CPLX2: variants seen among roughly 807,000 people sequenced by gnomAD.
CPLX2 encodes complexin 2.
CPLX2 carries 5 observed loss-of-function variants against 16.3 expected under a neutral mutation model. The observed-to-expected ratio is 0.31, with a 90% CI of 0.16 to 0.64. The LOEUF is 0.64. CPLX2 is among the 30% of genes least tolerant of loss of function. The pLI, the probability that CPLX2 is intolerant of heterozygous loss-of-function variation, is 0.79. For missense variants in CPLX2, 144 were observed against 181.4 expected (o/e 0.79, Z 1.18); for synonymous variants, 89 against 73.2 (o/e 1.22, Z -1.10).
intron 2 of CPLX2, among the ~76,000 whole-genome samples, chr5:175,823,871 G>C (rs1385199520): frequency 6.6e-6 from 1 of 152,188 alleles, no homozygotes; most frequent in African/African-American, 2.4e-5. Context: ...AGCTGCCTGG[G>C]AGGACAGAGA....
intron 2 of CPLX2, among the ~76,000 whole-genome samples, chr5:175,865,657 T>C (rs1166037066): frequency 1.3e-5 from 2 of 152,232 alleles, no homozygotes; most frequent in East Asian, 3.8e-4. Context: ...CCTAAAATAT[T>C]CTATGGCTCC....
chr5:175,864,693 C>G (rs1436482518), intron 2 of CPLX2, among the ~76,000 whole-genome samples: 1 of 152,072 alleles, frequency 6.6e-6, no homozygotes, highest in Non-Finnish European at 1.5e-5. Context: ...TCCTGGGGTG[C>G]TGTAGGCTCT....
chr5:175,879,839 C>T lies in CPLX2; in HGVS notation c.208-9C>T. ...GCTTCATGCGCGTCTCTGCCCTCCC[C>T]CTCCCCAGTATGGGCTGAAGAAGAA... On this transcript the variant is annotated splice_polypyrimidine_tract_variant and intron_variant, in intron 3 of 3. Coordinates refer to ENST00000393745, the MANE Select transcript of CPLX2 (RefSeq NM_001008220.2). The T allele has an allele frequency of 1.2e-6, 2 of 1,608,046 alleles. No individual in the cohort carries two copies. Among genetic ancestry groups the T allele is most frequent in the Non-Finnish European group, 8.5e-7 (1 of 1,177,378 alleles).
chr5:175,841,894 A>G (rs1758950720), intron 2 of CPLX2, among the ~76,000 whole-genome samples: 1 of 152,254 alleles, frequency 6.6e-6, no homozygotes, highest in Admixed American at 6.5e-5. Flanking sequence ...GAAATGAGAT[A>G]AAGTGTAAAC....
chr5:175,831,258 C>G lies in CPLX2; in HGVS notation c.-89+22190C>G, dbSNP rs1466336355. Reference sequence around the variant, plus strand: ...GTTAGAAGTAGGAAGAGCATTCGCTCTCTCCAGCTCCCTCCCTTCTCTCCC... The same window carrying G: ...GTTAGAAGTAGGAAGAGCATTCGCTGTCTCCAGCTCCCTCCCTTCTCTCCC... On this transcript the variant is annotated intron_variant, in intron 2 of 4. Coordinates refer to the CPLX2 transcript ENST00000359546. Among the ~76,000 whole-genome samples the G allele has an allele frequency of 3.3e-5, 5 of 152,180 alleles. No individual in the cohort carries two copies. In the South Asian group the frequency reaches 6.2e-4, roughly 19 times the overall value.
intron 1 of CPLX2, chr5:175,878,132 T>A (rs542283205): frequency 6.6e-6 from 1 of 152,528 alleles, no homozygotes; most frequent in Non-Finnish European, 1.5e-5. Flanking sequence ...CTCAGCTGCC[T>A]CCGATTGGCT....
At chr5:175,851,136 T>C (rs1240673020) in intron 2 of CPLX2, among the ~76,000 whole-genome samples, 1 of 151,998 alleles carries the variant, frequency 6.6e-6, no homozygotes, top group Non-Finnish European at 1.5e-5. Flanking sequence ...TGTGGACAGG[T>C]GGCTGTACCA....
chr5:175,827,339 A>T (rs745530055), intron 2 of CPLX2, among the ~76,000 whole-genome samples: 10 of 152,162 alleles, frequency 6.6e-5, no homozygotes, highest in Non-Finnish European at 1.0e-4. Context: ...AATAAGGGAA[A>T]TTGTTGCTTG....
upstream of CPLX2, among the ~76,000 whole-genome samples, chr5:175,868,696 GT>G (rs559177106): frequency 5.5e-3 from 802 of 145,532 alleles, 1 homozygote; most frequent in South Asian, 0.011. Flanking sequence ...TTCGTGGCAG[GT>G]TTTTTTTTTT....
chr5:175,876,681 C>T (rs887044105), intron 1 of CPLX2, among the ~76,000 whole-genome samples: 5 of 152,096 alleles, frequency 3.3e-5, no homozygotes, highest in African/African-American at 9.7e-5. Flanking sequence ...AACTAAAGCC[C>T]GGGTGCCCTG....
intron 2 of CPLX2, among the ~76,000 whole-genome samples, chr5:175,858,287 G>C (rs1166973606): frequency 6.6e-6 from 1 of 152,202 alleles, no homozygotes; most frequent in East Asian, 1.9e-4. Flanking sequence ...CATGACCAGA[G>C]CACAACCATA....
chr5:175,806,896 G>A lies in CPLX2; in HGVS notation c.-168-2093G>A, dbSNP rs1337930206. 2.0e-5 allele frequency among the ~76,000 whole-genome samples: 3 copies of A among 152,176 alleles called. No homozygotes were observed. In the East Asian group the frequency reaches 5.8e-4, roughly 29 times the overall value. ...TTACTCACGGGTTTCCACTGTGCGA[G>A]ATCAAGGCCTCTCTGGGCCTCCGTG... On this transcript the variant is annotated intron_variant, in intron 1 of 4. Coordinates refer to the CPLX2 transcript ENST00000359546.
At chr5:175,868,973 T>C (rs1305826626), upstream of CPLX2, among the ~76,000 whole-genome samples, 3 of 152,160 alleles carry the variant, frequency 2.0e-5, no homozygotes, top group African/African-American at 4.8e-5. Flanking sequence ...AAATGTAAAT[T>C]ATATAAAGCA....
Position 175,830,507 on chromosome 5 carries a change from G to A in CPLX2, c.-89+21439G>A, listed in dbSNP as rs1015210780. Among the ~76,000 whole-genome samples, 8 of 152,128 alleles carry A rather than the reference G, an allele frequency of 5.3e-5. No individual in the cohort carries two copies. The highest frequency in any genetic ancestry group is 1.7e-4 in the African/African-American group (7 of 41,442). ...CTTTAGGAGGGGGAGTTTTAGGGGT[G>A]AAGCACCCCACCCCCAGCTGTCCAG... On this transcript the variant is annotated intron_variant, in intron 2 of 4. Coordinates refer to the CPLX2 transcript ENST00000359546. The surrounding 1 kb of genome is among the most constrained non-coding windows in gnomAD (Gnocchi z 4.0).
At chr5:175,862,818 GTGC>G (rs1759396927) in intron 2 of CPLX2, among the ~76,000 whole-genome samples, 2 of 152,336 alleles carry the variant, frequency 1.3e-5, no homozygotes, top group African/African-American at 4.8e-5. Flanking sequence ...GGGACCAGAT[GTGC>G]TGATCAGTCC....
rs777902762 is a variant in CPLX2, at chr5:175,811,125, G to A, written c.-89+2057G>A. Reference sequence around the variant, plus strand: ...GGTGGATGGCACATAGTAAGTGCTCGATGCAGGTTTGTGAATAAATGAATG... The same window carrying A: ...GGTGGATGGCACATAGTAAGTGCTCAATGCAGGTTTGTGAATAAATGAATG... On this transcript the variant is annotated intron_variant, in intron 2 of 4. Transcript: ENST00000359546. Among the ~76,000 whole-genome samples, 7 of 152,224 alleles carry A rather than the reference G, an allele frequency of 4.6e-5. No individual in the cohort carries two copies. In the East Asian group the frequency reaches 9.6e-4, roughly 21 times the overall value.
At chr5:175,799,900 T>A (rs1413369451) in intron 1 of CPLX2, among the ~76,000 whole-genome samples, 2 of 152,034 alleles carry the variant, frequency 1.3e-5, no homozygotes, top group East Asian at 1.9e-4. Flanking sequence ...TGTGTTAACC[T>A]CCCAGCTGGC....
intron 2 of CPLX2, among the ~76,000 whole-genome samples, chr5:175,831,989 C>A (rs914766083): frequency 6.6e-6 from 1 of 152,348 alleles, no homozygotes; most frequent in African/African-American, 2.4e-5. Flanking sequence ...AGGTCCAGCT[C>A]TTCCCTGGTC....
At chr5:175,854,847 A>C (rs1257213792) in intron 2 of CPLX2, among the ~76,000 whole-genome samples, 1 of 152,174 alleles carries the variant, frequency 6.6e-6, no homozygotes, top group Non-Finnish European at 1.5e-5. Flanking sequence ...AAATTACACA[A>C]TCCATTGATT....
Sources: gnomAD v4.1 joint callset for allele counts (sites outside exome capture counted in the v4.1 genomes callset) on GRCh38, gnomAD v4.1.1 for gene constraint, Gnocchi (gnomAD v3.1) non-coding constraint, MANE v1.5 for transcripts, NCBI Gene and HGNC (gene_info 2026-07-23, HGNC 2026-07-21) for gene names.